The following ANKRD2 variants were observed in gnomAD, a reference collection of about 807,000 sequenced individuals.
The protein encoded by ANKRD2 is ankyrin repeat domain 2.
Under a neutral mutation model 37.3 loss-of-function variants are expected in ANKRD2, and 35 were observed. The observed-to-expected ratio is 0.94, with a 90% CI of 0.72 to 1.24. The LOEUF (loss-of-function observed/expected upper bound fraction) is 1.24, where lower values mean the gene tolerates loss of function less well. Among genes scored for constraint, ANKRD2 ranks in the 50% most tolerant of loss-of-function variants. The pLI is 0.00. For synonymous variants in ANKRD2, 159 were observed against 186.5 expected (o/e 0.85, Z 1.20); for missense variants, 410 against 445.6 (o/e 0.92, Z 0.72).
At chr10:97,576,992 C>T (rs2040834915) in intron 1 of ANKRD2, among the ~76,000 whole-genome samples, 1 of 151,856 alleles carries the variant, frequency 6.6e-6, no homozygotes, top group Non-Finnish European at 1.5e-5. Flanking sequence ...GCCACTGTAC[C>T]TGGCCTATTT....
chr10:97,577,050 C>T (rs2040835640), intron 1 of ANKRD2, among the ~76,000 whole-genome samples: 2 of 151,788 alleles, frequency 1.3e-5, no homozygotes, highest in Admixed American at 1.3e-4. Context: ...GTCACTCAGG[C>T]TGGAGTGCAG....
rs2040937828 is a variant in ANKRD2 at position 97,583,808 on chromosome 10, G to A, written c.*83G>A. ...CTAAGAATGGCTCCCGGAGCTAACTGAGGGCCCAGCCTTTTTTCTGCATGA... is the reference window on the plus strand; with the variant it reads ...CTAAGAATGGCTCCCGGAGCTAACTAAGGGCCCAGCCTTTTTTCTGCATGA... On this transcript the variant is annotated 3_prime_UTR_variant, in exon 9 of 9. Coordinates refer to ENST00000370655, the MANE Select transcript of ANKRD2 (RefSeq NM_001346793.2). 7.2e-7 allele frequency: 1 copy of A among 1,384,182 alleles called. No homozygotes were observed. Among genetic ancestry groups the A allele is most frequent in the African/African-American group, 1.5e-5 (1 of 65,738 alleles). 85.7% of individuals were successfully genotyped at this position (1,384,182 alleles called of 1,614,324 possible).
chr10:97,572,743 T>A, upstream of ANKRD2: 1 of 1,605,096 alleles, frequency 6.2e-7, no homozygotes. Context: ...GGGTGGGTGC[T>A]CTGGCCTATA....
Position 97,583,807 on chromosome 10 carries a change from T to C in ANKRD2, c.*82T>C. The C allele has an allele frequency of 7.2e-7, 1 of 1,384,812 alleles. No homozygotes were observed. Among genetic ancestry groups the C allele is most frequent in the Non-Finnish European group, 9.4e-7 (1 of 1,061,074 alleles). The allele number at this position is 1,384,812 out of a possible 1,614,324, so 85.8% of individuals were successfully genotyped here. A position where few individuals can be genotyped will look rare whatever the true frequency, so the allele number is the denominator to read the frequency against. On this transcript the variant is annotated 3_prime_UTR_variant, in exon 9 of 9. Transcript: ENST00000370655. ...CCTAAGAATGGCTCCCGGAGCTAAC[T>C]GAGGGCCCAGCCTTTTTTCTGCATG... is the stretch of plus-strand genomic sequence containing the variant.
At chr10:97,578,040 C>T (rs2040846936) in intron 2 of ANKRD2, 139 bp downstream of exon 2, 3 of 1,080,468 alleles carry the variant, frequency 2.8e-6, no homozygotes, top group Admixed American at 2.7e-5. Context: ...AGAATCTCCG[C>T]CCCGTCCCAG....
At chr10:97,573,180 G>A (rs909330665) in intron 1 of ANKRD2, among the ~76,000 whole-genome samples, 1 of 152,228 alleles carries the variant, frequency 6.6e-6, no homozygotes, top group Non-Finnish European at 1.5e-5. Context: ...GCTGGGTGCT[G>A]CCTGGGACTT....
At chr10:97,578,820 G>A (rs2040862362) in intron 4 of ANKRD2, among the ~76,000 whole-genome samples, 1 of 152,172 alleles carries the variant, frequency 6.6e-6, no homozygotes, top group Non-Finnish European at 1.5e-5. Context: ...CACCTGCAGA[G>A]CAACAAATGT....
intron 6 of ANKRD2, among the ~76,000 whole-genome samples, chr10:97,581,807 T>A (rs2040901928): frequency 6.6e-6 from 1 of 152,238 alleles, no homozygotes; most frequent in South Asian, 2.1e-4. Flanking sequence ...ATTCATCCCC[T>A]CATTCATTTA....
chr10:97,576,696 AT>A (rs2040830567), intron 1 of ANKRD2, among the ~76,000 whole-genome samples: 1 of 149,580 alleles, frequency 6.7e-6, no homozygotes, highest in African/African-American at 2.5e-5. Flanking sequence ...TTATTTATTT[AT>A]TTATTTATTT....
intron 1 of ANKRD2, among the ~76,000 whole-genome samples, chr10:97,574,495 AG>A (rs572207520): frequency 1.3e-5 from 2 of 152,336 alleles, no homozygotes; most frequent in South Asian, 4.1e-4. Flanking sequence ...GCCATGTAAA[AG>A]ATATTTATTC....
At chr10:97,582,769 G>C in intron 8 of ANKRD2, 67 bp downstream of exon 8, 1 of 1,482,786 alleles carries the variant, frequency 6.7e-7, no homozygotes, top group Non-Finnish European at 9.4e-7. Context: ...TGCTGTCCTG[G>C]TCCCTGGAGC....
chr10:97,579,392 C>T (rs1163212084), intron 4 of ANKRD2, among the ~76,000 whole-genome samples: 2 of 149,400 alleles, frequency 1.3e-5, no homozygotes, highest in East Asian at 2.0e-4. Context: ...CTGCAACTTT[C>T]GCCTCTTGGG....
rs370654638 is a variant in ANKRD2, at chr10:97,583,559, C to T, written c.853-17C>T. 1.7e-4 allele frequency: 264 copies of T among 1,580,094 alleles called. No homozygotes were observed. Among genetic ancestry groups the T allele is most frequent in the Non-Finnish European group, 2.0e-4 (235 of 1,165,208 alleles). ...TTTTCTCTTGCCAACCCCCACGCCC[C>T]GTCCCGCCCCCTCCAGGCAGGAAAG... is the stretch of plus-strand genomic sequence containing the variant. On this transcript the variant is annotated splice_polypyrimidine_tract_variant and intron_variant, in intron 8 of 8. Transcript: ENST00000370655.
At chr10:97,582,521 G>A (rs2040912293) in intron 7 of ANKRD2, 83 bp from the exon 8 acceptor site, 11 of 1,566,440 alleles carry the variant, frequency 7.0e-6, no homozygotes, top group African/African-American at 1.3e-5. Flanking sequence ...TGGCTCCTGA[G>A]CAGGGTCTCC....
At chr10:97,578,687 G>A in intron 4 of ANKRD2, 82 bp downstream of exon 4, 1 of 1,110,510 alleles carries the variant, frequency 9.0e-7, no homozygotes, top group Non-Finnish European at 1.3e-6. Context: ...AGCCCACTGT[G>A]AGCCTATTTG....
At chr10:97,572,757 C>A, upstream of ANKRD2, 1 of 1,602,918 alleles carries the variant, frequency 6.2e-7, no homozygotes, top group Non-Finnish European at 8.5e-7. Flanking sequence ...GCCTATAAAG[C>A]CCCCGAGGCC....
chr10:97,580,081 T>C (rs942422717), intron 4 of ANKRD2, among the ~76,000 whole-genome samples: 2 of 152,228 alleles, frequency 1.3e-5, no homozygotes, highest in Non-Finnish European at 2.9e-5. Context: ...CTTTCTGTTC[T>C]TTAGACTCCA....
chr10:97,577,853 G>T lies in ANKRD2; in HGVS notation c.141G>T (p.Glu47Asp), dbSNP rs1483477734. Residue 47 changes from glutamate to aspartate, a missense_variant, in exon 2 of 9, where the codon GAG becomes GAT. Physicochemically the swap from Glu to Asp is conservative, Grantham distance 45. Coordinates refer to ENST00000370655, the MANE Select transcript of ANKRD2 (RefSeq NM_001346793.2). ...TGCCCATGGACTTGCTGGTGCTGGAGGATGAGAAGCACCACGGGGCTCAGA... is the reference window on the plus strand; with the variant it reads ...TGCCCATGGACTTGCTGGTGCTGGATGATGAGAAGCACCACGGGGCTCAGA... ...QKLPMDLLVL[E>D]DEKHHGAQSA... The T allele has an allele frequency of 1.9e-6, 3 of 1,574,328 alleles. No homozygotes were observed. Among genetic ancestry groups the T allele is most frequent in the Non-Finnish European group, 2.6e-6 (3 of 1,160,036 alleles).
At chr10:97,581,027 C>T in intron 5 of ANKRD2, 74 bp downstream of exon 5, 2 of 1,331,620 alleles carry the variant, frequency 1.5e-6, no homozygotes, top group Non-Finnish European at 1.0e-6. Flanking sequence ...CTCCCTGCCA[C>T]CTGTGCCAAC....
Sources: gnomAD v4.1 joint callset for allele counts (sites outside exome capture counted in the v4.1 genomes callset) on GRCh38, gnomAD v4.1.1 for gene constraint, MANE v1.5 for transcripts, NCBI Gene and HGNC (gene_info 2026-07-23, HGNC 2026-07-21) for gene names.